The following CDK14 variants were observed in gnomAD, a reference collection of about 807,000 sequenced individuals.
CDK14 encodes cyclin-dependent kinase 14.
In CDK14, 34 loss-of-function variants were observed where a neutral mutation model predicts 60.7. That is an observed-to-expected ratio of 0.56 (90% CI 0.43 to 0.75). CDK14 has a LOEUF of 0.75. Ranked by LOEUF, CDK14 falls within the 30% of genes least tolerant of loss-of-function variation. The pLI, the probability that CDK14 is intolerant of heterozygous loss-of-function variation, is 0.00. For synonymous variants in CDK14, 197 were observed against 203.7 expected, an observed-to-expected ratio of 0.97 and a Z score of 0.28; for missense variants, 482 against 564.1, an observed-to-expected ratio of 0.85 and a Z score of 1.47.
chr7:90,804,132 G>A lies in CDK14; in HGVS notation c.544+13480G>A, dbSNP rs150495122. On this transcript the variant is annotated intron_variant, in intron 5 of 14. Transcript: ENST00000380050. ...TCAGGCTTCCCCAGAGCAAAAAGGC[G>A]ATATTGAGAAAGCTCCATAAGCGAG... 1.3e-3 allele frequency among the ~76,000 whole-genome samples: 201 copies of A among 152,304 alleles called. No homozygotes were observed. The Middle Eastern group carries it at 0.014, about 10-fold the overall frequency.
chr7:90,800,117 C>T (rs1248876873), intron 5 of CDK14, among the ~76,000 whole-genome samples: 3 of 151,994 alleles, frequency 2.0e-5, no homozygotes, highest in African/African-American at 7.3e-5. Flanking sequence ...CTGAGTATTC[C>T]CATGTGCTTT....
intron 11 of CDK14, among the ~76,000 whole-genome samples, chr7:91,069,784 A>G (rs1267858370): frequency 1.3e-5 from 2 of 152,138 alleles, no homozygotes; most frequent in Non-Finnish European, 2.9e-5. Context: ...CAATGGAAAC[A>G]TTTTTTAAAA....
intron 6 of CDK14, among the ~76,000 whole-genome samples, chr7:90,895,244 T>C (rs1792257683): frequency 1.3e-5 from 2 of 152,064 alleles, no homozygotes; most frequent in Non-Finnish European, 2.9e-5. Flanking sequence ...AATGTACTGG[T>C]TTAAAGATGT....
At chr7:90,811,592 G>A (rs571689666) in intron 5 of CDK14, among the ~76,000 whole-genome samples, 419 of 151,686 alleles carry the variant, frequency 2.8e-3, no homozygotes, top group Middle Eastern at 0.014. Flanking sequence ...AAAAGCAATG[G>A]CAACAAAAGC....
intron 11 of CDK14, among the ~76,000 whole-genome samples, chr7:91,058,799 A>G (rs111789461): frequency 6.6e-6 from 1 of 152,178 alleles, no homozygotes; most frequent in Admixed American, 6.5e-5. Flanking sequence ...TGCTGGATTC[A>G]GTTTGCCAGT....
intron 5 of CDK14, among the ~76,000 whole-genome samples, chr7:90,816,394 C>G (rs1303472154): frequency 2.0e-5 from 3 of 152,194 alleles, no homozygotes; most frequent in African/African-American, 7.2e-5. Flanking sequence ...CACTGTTATT[C>G]TACTAAAAAG....
intron 4 of CDK14, among the ~76,000 whole-genome samples, chr7:90,782,859 G>T (rs1380183596): frequency 6.6e-6 from 1 of 152,030 alleles, no homozygotes; most frequent in Non-Finnish European, 1.5e-5. Context: ...GAGGAGTTGG[G>T]GTTCCATGAA....
At chr7:90,841,628 A>G (rs1469825654) in intron 5 of CDK14, among the ~76,000 whole-genome samples, 1 of 148,628 alleles carries the variant, frequency 6.7e-6, no homozygotes, top group Non-Finnish European at 1.5e-5. Flanking sequence ...AGTTTCTGAT[A>G]ATAATGATAT....
intron 10 of CDK14, among the ~76,000 whole-genome samples, chr7:91,007,543 A>G (rs1159441571): frequency 6.6e-6 from 1 of 152,232 alleles, no homozygotes. Context: ...TATAAAATGT[A>G]TAACAATCAG....
intron 3 of CDK14, among the ~76,000 whole-genome samples, chr7:90,742,011 A>G (rs1187358913): frequency 6.6e-6 from 1 of 152,028 alleles, no homozygotes; most frequent in Non-Finnish European, 1.5e-5. Flanking sequence ...TGGCCATGGT[A>G]TATTATTCTT....
intron 14 of CDK14, among the ~76,000 whole-genome samples, chr7:91,137,693 GGTGTGTGTGTGTGTGTGTGTGTATGT>G (rs1251026021): frequency 0.015 from 1,436 of 97,106 alleles, 14 homozygotes; most frequent in South Asian, 0.051. Flanking sequence ...ACTTGTGGGG[GGTGTGTGTGTGTGTGTGTGTGTATGT>G]GTGTGTGTGT....
chr7:91,010,786 TTCCC>T (rs1362907564), intron 10 of CDK14, among the ~76,000 whole-genome samples: 4 of 137,270 alleles, frequency 2.9e-5, no homozygotes, highest in African/African-American at 2.9e-5. Flanking sequence ...CCTTCCTTCT[TTCCC>T]TCCTTCCTTC....
intron 5 of CDK14, among the ~76,000 whole-genome samples, chr7:90,843,124 G>T (rs1343081931): frequency 6.6e-6 from 1 of 152,120 alleles, no homozygotes; most frequent in Non-Finnish European, 1.5e-5. Context: ...TCTTCACTAA[G>T]AGTGGGAGCT....
chr7:91,194,615 G>A (rs767499746), intron 14 of CDK14, among the ~76,000 whole-genome samples: 11 of 151,952 alleles, frequency 7.2e-5, no homozygotes, highest in Non-Finnish European at 1.6e-4. Context: ...AGAGGGCCAC[G>A]AGACATGATA....
At chr7:90,767,810 A>G (rs1415964488) in intron 4 of CDK14, among the ~76,000 whole-genome samples, 8 of 152,230 alleles carry the variant, frequency 5.3e-5, no homozygotes, top group Admixed American at 4.6e-4. Context: ...GTTTTTGAGT[A>G]AATCAGAATC....
At chr7:90,808,781 G>A (rs1295562575) in intron 5 of CDK14, among the ~76,000 whole-genome samples, 2 of 151,996 alleles carry the variant, frequency 1.3e-5, no homozygotes, top group African/African-American at 4.8e-5. Context: ...GATCTACCAA[G>A]CAAATGAAAA....
chr7:91,173,442 GT>G (rs1202727621), intron 14 of CDK14, among the ~76,000 whole-genome samples: 6 of 151,700 alleles, frequency 4.0e-5, no homozygotes, highest in South Asian at 2.1e-4. Context: ...AAAAAAAAAG[GT>G]GGGGAGGAGC....
chr7:90,694,365 G>A (rs988439479), intron 2 of CDK14, among the ~76,000 whole-genome samples: 30 of 152,148 alleles, frequency 2.0e-4, no homozygotes, highest in African/African-American at 5.1e-4. Flanking sequence ...ATTGAATGTC[G>A]TTTGATTACA....
intron 12 of CDK14, among the ~76,000 whole-genome samples, chr7:91,091,272 A>T (rs893758528): frequency 6.9e-6 from 1 of 145,692 alleles, no homozygotes; most frequent in East Asian, 2.0e-4. Flanking sequence ...TTATTTATTT[A>T]TATAAATATA....
Sources: gnomAD v4.1 joint callset for allele counts (sites outside exome capture counted in the v4.1 genomes callset) on GRCh38, gnomAD v4.1.1 for gene constraint, MANE v1.5 for transcripts, NCBI Gene and HGNC (gene_info 2026-07-23, HGNC 2026-07-21) for gene names.